Variants in EPHA3 observed in about 807,000 individuals in gnomAD.
The protein encoded by EPHA3 is ephrin type-A receptor 3.
A neutral mutation model predicts 107.1 loss-of-function variants in EPHA3; 42 were observed. The observed-to-expected ratio is 0.39, with a 90% CI of 0.31 to 0.51. The LOEUF is 0.51. Among genes scored for constraint, EPHA3 ranks in the 20% least tolerant of loss-of-function variants. The pLI is 0.78. For synonymous variants in EPHA3, 461 were observed against 424.8 expected, an observed-to-expected ratio of 1.09 and a Z score of -1.05; for missense variants, 1,183 against 1,211.2, an observed-to-expected ratio of 0.98 and a Z score of 0.35.
At chr3:89,425,206 C>T (rs184979160) in intron 11 of EPHA3, among the ~76,000 whole-genome samples, 54 of 150,374 alleles carry the variant, frequency 3.6e-4, no homozygotes, top group African/African-American at 1.3e-3. Flanking sequence ...AATAAGAAAC[C>T]CACAAAAAAA....
chr3:89,468,396 A>T (rs749532141), intron 15 of EPHA3, among the ~76,000 whole-genome samples: 3 of 152,168 alleles, frequency 2.0e-5, no homozygotes, highest in Non-Finnish European at 4.4e-5. Context: ...GAGTCTGGCT[A>T]AAGTGTTGAG....
At chr3:89,250,670 A>G (rs1440791021) in intron 3 of EPHA3, among the ~76,000 whole-genome samples, 3 of 152,224 alleles carry the variant, frequency 2.0e-5, no homozygotes, top group Admixed American at 6.5e-5. Context: ...TGTAATAACT[A>G]CATCAGAATT....
chr3:89,147,292 TA>T (rs1704582667), intron 2 of EPHA3, among the ~76,000 whole-genome samples: 1 of 151,558 alleles, frequency 6.6e-6, no homozygotes, highest in African/African-American at 2.4e-5. Context: ...ATGGCACATA[TA>T]TACCTATGTA....
At position 89,208,427 on chromosome 3, in the gene EPHA3, A is replaced by AAAGG. The variant is rs1364040066; in HGVS notation, c.154-1430_154-1429insGAAG. Among the ~76,000 whole-genome samples, 52 of 20,144 alleles carry AAAGG rather than the reference A, an allele frequency of 2.6e-3. 5 individuals are homozygous for AAAGG. Among genetic ancestry groups the AAAGG allele is most frequent in the Non-Finnish European group, 8.2e-5 (1 of 12,142 alleles). The allele number at this position is 20,144 out of a possible 152,430, so 13.2% of individuals were successfully genotyped here. A position where few individuals can be genotyped will look rare whatever the true frequency, so the allele number is the denominator to read the frequency against. On this transcript the variant is annotated intron_variant, in intron 2 of 16. Transcript: ENST00000336596. ...GGAAGGAAGGAAGGAAGGAAGGAAG[A>AAAGG]AAGAAAGAAAGAAAGAAAGAAAGAA...
intron 1 of EPHA3, among the ~76,000 whole-genome samples, chr3:89,125,849 T>G (rs2106970934): frequency 6.6e-6 from 1 of 151,792 alleles, no homozygotes; most frequent in East Asian, 1.9e-4. Context: ...TGCTTGAAAA[T>G]TTAGAAACCT....
At chr3:89,322,563 C>T (rs910323618) in intron 3 of EPHA3, among the ~76,000 whole-genome samples, 14 of 151,908 alleles carry the variant, frequency 9.2e-5, no homozygotes, top group Admixed American at 8.5e-4. Context: ...AAAGTGAGGA[C>T]GAGATGTAGA....
intron 1 of EPHA3, among the ~76,000 whole-genome samples, chr3:89,124,265 G>T (rs191978004): frequency 3.9e-5 from 6 of 152,182 alleles, no homozygotes; most frequent in African/African-American, 1.4e-4. Context: ...GATATGTATT[G>T]CAATGTTACA....
intron 3 of EPHA3, among the ~76,000 whole-genome samples, chr3:89,262,963 CTT>C (rs532365863): frequency 4.9e-4 from 48 of 97,468 alleles, no homozygotes; most frequent in South Asian, 1.7e-3. Context: ...TTACAGCGCT[CTT>C]TTTTTTTTTT....
At chr3:89,349,823 A>G (rs1370723370) in intron 5 of EPHA3, among the ~76,000 whole-genome samples, 3 of 144,800 alleles carry the variant, frequency 2.1e-5, no homozygotes, top group African/African-American at 7.7e-5. Flanking sequence ...TGGTGACAAA[A>G]TCTCTCAGCA....
At chr3:89,433,492 C>T (rs1709608171) in intron 13 of EPHA3, among the ~76,000 whole-genome samples, 1 of 152,112 alleles carries the variant, frequency 6.6e-6, no homozygotes, top group Non-Finnish European at 1.5e-5. Context: ...TTTCTAGATG[C>T]ATTGATATAG....
intron 15 of EPHA3, among the ~76,000 whole-genome samples, chr3:89,454,972 G>C (rs552441720): frequency 6.6e-6 from 1 of 152,056 alleles, no homozygotes; most frequent in Admixed American, 6.6e-5. Context: ...CAGCCTGGGT[G>C]ACAGAGCAAG....
intron 2 of EPHA3, among the ~76,000 whole-genome samples, chr3:89,179,493 A>G (rs1251413624): frequency 6.6e-6 from 1 of 151,992 alleles, no homozygotes; most frequent in Non-Finnish European, 1.5e-5. Flanking sequence ...TTTGGTCCAG[A>G]CCAGTCCAAG....
chr3:89,162,549 G>A (rs1704975338), intron 2 of EPHA3, among the ~76,000 whole-genome samples: 1 of 152,068 alleles, frequency 6.6e-6, no homozygotes, highest in Admixed American at 6.6e-5. Context: ...CTCCTCAATT[G>A]TAGTTTGGGT....
intron 15 of EPHA3, among the ~76,000 whole-genome samples, chr3:89,467,501 C>T (rs148433839): frequency 6.6e-6 from 1 of 152,142 alleles, no homozygotes; most frequent in African/African-American, 2.4e-5. Flanking sequence ...CAAAAGGAGT[C>T]TATTAAGTGA....
At chr3:89,257,728 T>C (rs1275156718) in intron 3 of EPHA3, among the ~76,000 whole-genome samples, 1 of 151,170 alleles carries the variant, frequency 6.6e-6, no homozygotes, top group Admixed American at 6.6e-5. Context: ...TATCAAAAAC[T>C]CTTAAGTCCA....
chr3:89,245,186 T>C (rs1428905189), intron 3 of EPHA3, among the ~76,000 whole-genome samples: 1 of 152,142 alleles, frequency 6.6e-6, no homozygotes, highest in East Asian at 1.9e-4. Context: ...CAACTTTGAG[T>C]TACTTTAAAG....
At chr3:89,267,675 T>G (rs879842213) in intron 3 of EPHA3, among the ~76,000 whole-genome samples, 4 of 152,184 alleles carry the variant, frequency 2.6e-5, no homozygotes, top group Non-Finnish European at 4.4e-5. Flanking sequence ...TTATGAAGGC[T>G]GTCCTGGTAT....
chr3:89,165,453 C>G (rs1207334237), intron 2 of EPHA3, among the ~76,000 whole-genome samples: 2 of 152,164 alleles, frequency 1.3e-5, no homozygotes, highest in African/African-American at 4.8e-5. Flanking sequence ...TTCAATCATT[C>G]CATCCCCAAT....
intron 7 of EPHA3, among the ~76,000 whole-genome samples, chr3:89,403,221 G>A (rs1304776354): frequency 6.6e-6 from 1 of 152,120 alleles, no homozygotes; most frequent in Non-Finnish European, 1.5e-5. Context: ...GAGACAAAGG[G>A]AGGTTAAGGA....
Sources: gnomAD v4.1 joint callset for allele counts (sites outside exome capture counted in the v4.1 genomes callset) on GRCh38, gnomAD v4.1.1 for gene constraint, MANE v1.5 for transcripts, NCBI Gene and HGNC (gene_info 2026-07-23, HGNC 2026-07-21) for gene names.